SCOC: variants seen among roughly 807,000 people sequenced by gnomAD.
The protein encoded by SCOC is short coiled coil protein.
Under a neutral mutation model 9.9 loss-of-function variants are expected in SCOC, and 7 were observed. The observed-to-expected ratio is 0.71, with a 90% confidence interval of 0.40 to 1.33. The LOEUF is 1.33. Among genes scored for constraint, SCOC ranks in the 40% most tolerant of loss-of-function variants. The pLI is 0.01. For synonymous variants in SCOC, 19 were observed against 28.2 expected (o/e 0.67, Z 1.03); for missense variants, 66 against 89.7 (o/e 0.74, Z 1.07).
intron 2 of SCOC, among the ~76,000 whole-genome samples, chr4:140,360,150 T>C (rs907491919): frequency 3.3e-5 from 5 of 152,188 alleles, no homozygotes; most frequent in Non-Finnish European, 5.9e-5. Context: ...CAAATCATTG[T>C]GCATAATTAA....
chr4:140,351,415 G>A (rs1726971894), intron 2 of SCOC, among the ~76,000 whole-genome samples: 1 of 151,998 alleles, frequency 6.6e-6, no homozygotes, highest in African/African-American at 2.4e-5. Flanking sequence ...GGCCCTCGCC[G>A]CCTCCCCGTC....
chr4:140,265,881 C>T (rs772713453), intron 1 of SCOC, among the ~76,000 whole-genome samples: 2 of 152,184 alleles, frequency 1.3e-5, no homozygotes, highest in African/African-American at 4.8e-5. Context: ...TTCTCTCTCC[C>T]GCTGTGGGAG....
chr4:140,313,905 C>G (rs998555050), intron 1 of SCOC, among the ~76,000 whole-genome samples: 1 of 151,842 alleles, frequency 6.6e-6, no homozygotes. Flanking sequence ...AGGCGGGTGG[C>G]TCACTTGAGG....
intron 1 of SCOC, among the ~76,000 whole-genome samples, chr4:140,336,532 T>C (rs1732962193): frequency 6.6e-6 from 1 of 152,212 alleles, no homozygotes; most frequent in African/African-American, 2.4e-5. Context: ...TTGAGGTTTA[T>C]CTAAGTTTTA....
chr4:140,285,069 T>G (rs1731226686), intron 1 of SCOC: 1 of 415,720 alleles, frequency 2.4e-6, no homozygotes, highest in Non-Finnish European at 4.9e-6. Context: ...CCATGCATTA[T>G]TTCCCTCACA....
intron 2 of SCOC, among the ~76,000 whole-genome samples, chr4:140,356,633 A>G (rs150785563): frequency 6.6e-6 from 1 of 152,286 alleles, no homozygotes; most frequent in Non-Finnish European, 1.5e-5. Flanking sequence ...ATGATCAATA[A>G]GTTTGGCAAG....
In SCOC at chr4:140,355,211, T is replaced by TTATA. The variant is rs34322076; in HGVS notation, c.70+11538_70+11541dup. On this transcript the variant is annotated intron_variant, in intron 2 of 4. Coordinates refer to the SCOC transcript ENST00000338517. ...ACTTCTCAGCCTATACATTATATTT[T>TTATA]TATATATATATATATATATATATAT... Among the ~76,000 whole-genome samples, 309 of 61,278 alleles carry TTATA rather than the reference T, an allele frequency of 5.0e-3. 5 individuals carry two copies. Among genetic ancestry groups the TTATA allele is most frequent in the South Asian group, 0.012 (33 of 2,802 alleles). 40.2% of individuals were successfully genotyped at this position (61,278 alleles called of 152,430 possible).
intron 2 of SCOC, among the ~76,000 whole-genome samples, chr4:140,367,062 C>T (rs190276881): frequency 4.3e-4 from 65 of 151,878 alleles, no homozygotes; most frequent in African/African-American, 1.4e-3. Context: ...AAAAATTAGC[C>T]GGGTGTCATG....
rs1290923035 is a variant in SCOC, at chr4:140,384,349, G to C, written c.*3245G>C. On this transcript the variant is annotated 3_prime_UTR_variant, in exon 4 of 4. Coordinates refer to ENST00000608372, the MANE Select transcript of SCOC (RefSeq NM_001153484.2). ...ATATAGGTGGTACACAGTGTGCACA[G>C]GGACTGTGTCCAGCTTCTGGAAAAG... The C allele has an allele frequency of 6.6e-6, 1 of 152,166 alleles. No individual in the cohort carries two copies. Among genetic ancestry groups the C allele is most frequent in the African/African-American group, 2.4e-5 (1 of 41,438 alleles). 9.4% of individuals were successfully genotyped at this position (152,166 alleles called of 1,614,324 possible).
intron 1 of SCOC, among the ~76,000 whole-genome samples, chr4:140,259,786 AT>A (rs1730589147): frequency 6.6e-6 from 1 of 152,222 alleles, no homozygotes; most frequent in African/African-American, 2.4e-5. Context: ...CTCTAAGAAG[AT>A]GCCCAAAGTT....
intron 1 of SCOC, among the ~76,000 whole-genome samples, chr4:140,296,377 T>G (rs1731637241): frequency 6.6e-6 from 1 of 152,154 alleles, no homozygotes; most frequent in African/African-American, 2.4e-5. Context: ...CTACTAAGGG[T>G]GGAGCGGCTG....
At chr4:140,272,232 T>C (rs1215352893) in intron 1 of SCOC, among the ~76,000 whole-genome samples, 6 of 151,766 alleles carry the variant, frequency 4.0e-5, no homozygotes. Flanking sequence ...ATTTTTTTTT[T>C]TTTTTATAGA....
At chr4:140,289,432 C>T (rs1017703071) in intron 1 of SCOC, among the ~76,000 whole-genome samples, 1 of 152,082 alleles carries the variant, frequency 6.6e-6, no homozygotes, top group Non-Finnish European at 1.5e-5. Context: ...ATGGCTCCAC[C>T]CCCTCATTTC....
intron 2 of SCOC, 41 bp downstream of exon 2, chr4:140,379,233 T>A (rs1429750104): frequency 1.5e-6 from 2 of 1,322,348 alleles, no homozygotes; most frequent in African/African-American, 2.9e-5. Flanking sequence ...CCTGGTTTTG[T>A]GGATGCTTTT....
intron 1 of SCOC, among the ~76,000 whole-genome samples, chr4:140,302,999 A>G (rs756449670): frequency 1.3e-5 from 2 of 152,258 alleles, no homozygotes; most frequent in Admixed American, 1.3e-4. Flanking sequence ...ATACAAAATT[A>G]AAGTTCTCAC....
chr4:140,379,533 G>T, intron 2 of SCOC, 36 bp from the exon 3 acceptor site: 1 of 1,443,682 alleles, frequency 6.9e-7, no homozygotes, highest in Non-Finnish European at 9.7e-7. Flanking sequence ...TGTACCTAAT[G>T]CTAATTAATA....
At chr4:140,379,693 T>A in intron 3 of SCOC, 41 bp downstream of exon 3, 1 of 1,411,828 alleles carries the variant, frequency 7.1e-7, no homozygotes, top group Non-Finnish European at 9.9e-7. Flanking sequence ...GACAGCCAAT[T>A]AATTGAACTT....
intron 2 of SCOC, among the ~76,000 whole-genome samples, chr4:140,362,299 C>CTTCTTCT (rs367795160): frequency 3.9e-4 from 15 of 38,374 alleles, no homozygotes; most frequent in African/African-American, 1.1e-3. Context: ...TCTTCTTCTT[C>CTTCTTCT]TTTTTTTTTT....
chr4:140,267,575 G>A (rs1730755706), intron 1 of SCOC, among the ~76,000 whole-genome samples: 1 of 152,096 alleles, frequency 6.6e-6, no homozygotes, highest in African/African-American at 2.4e-5. Context: ...GGATGGTGGA[G>A]GTAGAGAGGG....
Sources: gnomAD v4.1 joint callset for allele counts (sites outside exome capture counted in the v4.1 genomes callset) on GRCh38, gnomAD v4.1.1 for gene constraint, MANE v1.5 for transcripts, NCBI Gene and HGNC (gene_info 2026-07-23, HGNC 2026-07-21) for gene names.